Variants in TMC2 observed in about 807,000 individuals in gnomAD.
The protein encoded by TMC2 is transmembrane channel like 2, also known as transmembrane channel-like protein 2.
A neutral mutation model predicts 105.9 loss-of-function variants in TMC2; 102 were observed. That is an observed-to-expected ratio of 0.96 (90% CI 0.82 to 1.14). The LOEUF (loss-of-function observed/expected upper bound fraction) is 1.14. TMC2 is among the 50% of genes most tolerant of loss of function. TMC2 has a pLI of 0.00. For synonymous variants in TMC2, 402 were observed against 422.8 expected, an observed-to-expected ratio of 0.95 and a Z score of 0.60; for missense variants, 1,093 against 1,134.3, an observed-to-expected ratio of 0.96 and a Z score of 0.52.
chr20:2,604,652 A>G (rs2086376055), intron 11 of TMC2, among the ~76,000 whole-genome samples: 9 of 152,126 alleles, frequency 5.9e-5, no homozygotes, highest in Admixed American at 5.2e-4. Context: ...GCTGGCTGCC[A>G]GGGGAACCAG....
intron 4 of TMC2, among the ~76,000 whole-genome samples, chr20:2,570,374 CA>C (rs2086094767): frequency 6.6e-6 from 1 of 151,624 alleles, no homozygotes; most frequent in South Asian, 2.1e-4. Flanking sequence ...AGCAGAGAAC[CA>C]AATCAATAAT....
intron 2 of TMC2, among the ~76,000 whole-genome samples, chr20:2,554,857 G>A: frequency 6.6e-6 from 1 of 152,124 alleles, no homozygotes; most frequent in East Asian, 1.9e-4. Context: ...TCCAGCATAT[G>A]GTCTATTTTG....
At position 2,579,946 on chromosome 20, in the gene TMC2, C is replaced by G; in HGVS notation, c.728-4C>G. The G allele has an allele frequency of 6.2e-7, 1 of 1,609,014 alleles. No homozygotes were observed. On this transcript the variant is annotated splice_region_variant and splice_polypyrimidine_tract_variant and intron_variant, in intron 6 of 19. Coordinates refer to ENST00000358864, the MANE Select transcript of TMC2 (RefSeq NM_080751.3). Reference sequence around the variant, plus strand: ...CTCATACCCACCGTCTTTTCTCTCTCTAGGTCACTTTGGTTCTTCAGTGGC... The same window carrying G: ...CTCATACCCACCGTCTTTTCTCTCTGTAGGTCACTTTGGTTCTTCAGTGGC...
At chr20:2,624,421 C>T (rs1600138245) in intron 17 of TMC2, 25 bp downstream of exon 17, 2 of 1,601,480 alleles carry the variant, frequency 1.2e-6, no homozygotes, top group Non-Finnish European at 8.5e-7. Context: ...ACCCATGGCT[C>T]CACCCCACGG....
intron 2 of TMC2, among the ~76,000 whole-genome samples, chr20:2,538,618 C>G (rs976502818): frequency 6.6e-6 from 1 of 152,216 alleles, no homozygotes; most frequent in African/African-American, 2.4e-5. Context: ...CGGGACTCCC[C>G]TGTGAGCAGT....
chr20:2,639,462 C>T (rs1313491598), intron 19 of TMC2, among the ~76,000 whole-genome samples: 1 of 152,196 alleles, frequency 6.6e-6, no homozygotes, highest in Non-Finnish European at 1.5e-5. Context: ...GTATTCAGTA[C>T]AGTAAGTGTT....
chr20:2,594,364 A>T (rs1158609072), intron 8 of TMC2, among the ~76,000 whole-genome samples: 1 of 151,776 alleles, frequency 6.6e-6, no homozygotes, highest in Non-Finnish European at 1.5e-5. Flanking sequence ...AGTAGCTGAG[A>T]TTACAGGCAC....
At position 2,642,595 on chromosome 20, in the gene TMC2, A is replaced by G. The variant is rs529359469; in HGVS notation, c.*1244A>G. Among the ~76,000 whole-genome samples the G allele has an allele frequency of 1.6e-3, 240 of 152,300 alleles. No homozygotes were observed. Among genetic ancestry groups the G allele is most frequent in the Non-Finnish European group, 3.0e-3 (205 of 68,032 alleles). On this transcript the variant is annotated 3_prime_UTR_variant, in exon 20 of 20. Coordinates refer to ENST00000358864, the MANE Select transcript of TMC2 (RefSeq NM_080751.3). ...TTCTATGTTCACTTAGTGTCATATC[A>G]TGGTTCTATGCAGAATATTTCTTAG...
chr20:2,601,089 A>G (rs1018398900), intron 10 of TMC2, among the ~76,000 whole-genome samples: 2 of 152,228 alleles, frequency 1.3e-5, no homozygotes, highest in Non-Finnish European at 2.9e-5. Flanking sequence ...AATAATGTAC[A>G]AGACCATTAC....
intron 7 of TMC2, among the ~76,000 whole-genome samples, chr20:2,581,841 C>T (rs1195946337): frequency 6.6e-6 from 1 of 152,188 alleles, no homozygotes; most frequent in Non-Finnish European, 1.5e-5. Flanking sequence ...TATGAGGGAA[C>T]ATTTATTTTA....
At chr20:2,621,253 T>A (rs755812554) in intron 16 of TMC2, among the ~76,000 whole-genome samples, 9 of 151,748 alleles carry the variant, frequency 5.9e-5, no homozygotes, top group African/African-American at 9.7e-5. Flanking sequence ...TCCCAGCTAC[T>A]CGGGAGGCTG....
In TMC2 at chr20:2,580,038, T is replaced by C; in HGVS notation, c.816T>C (p.Gly272=). 6.2e-7 allele frequency: 1 copy of C among 1,611,640 alleles called. No individual in the cohort carries two copies. Among genetic ancestry groups the C allele is most frequent in the Non-Finnish European group, 8.5e-7 (1 of 1,177,776 alleles). ...TTGTCCTTTTTGGCTTAATATTTGG[T>C]CTAGTCATAATCCCAGAGGTAAGAA... ...VNLVLFGLIF[G]LVIIPEVLMG... The change falls in exon 7 of 20, where the codon GGT becomes GGC. Residue 272 remains glycine, a synonymous_variant. Coordinates refer to ENST00000358864, the MANE Select transcript of TMC2 (RefSeq NM_080751.3).
At chr20:2,587,582 T>A (rs1278640764) in intron 7 of TMC2, among the ~76,000 whole-genome samples, 1 of 152,048 alleles carries the variant, frequency 6.6e-6, no homozygotes, top group East Asian at 1.9e-4. Context: ...CTGTGGTAGG[T>A]TTAGGTGAAT....
In TMC2 at chr20:2,592,091, A is replaced by G. The variant is rs2086273017; in HGVS notation, c.835-219A>G. Among the ~76,000 whole-genome samples the G allele has an allele frequency of 6.6e-6, 1 of 152,176 alleles. No individual in the cohort carries two copies. The highest frequency in any genetic ancestry group is 2.4e-5 in the African/African-American group (1 of 41,432). ...CACTTGAACCTGGGAGGCGGAGGTT[A>G]CAGTAAGCTGAGACTGTGCTATTGC... On this transcript the variant is annotated intron_variant, in intron 7 of 19. Coordinates refer to ENST00000358864, the MANE Select transcript of TMC2 (RefSeq NM_080751.3). This position sits in a 1 kb window ranked among gnomAD's most constrained non-coding sequence, Gnocchi z 4.9.
chr20:2,603,185 G>C (rs925864997), intron 11 of TMC2, among the ~76,000 whole-genome samples: 3 of 151,172 alleles, frequency 2.0e-5, no homozygotes, highest in Non-Finnish European at 4.4e-5. Context: ...GCTATCAGCA[G>C]GTAAGGCCAA....
At chr20:2,612,095 T>C in intron 12 of TMC2, 96 bp from the exon 13 acceptor site, 1 of 1,263,872 alleles carries the variant, frequency 7.9e-7, no homozygotes, top group Non-Finnish European at 1.1e-6. Context: ...AGCTAGATGG[T>C]AGGGTTGTGG....
chr20:2,621,265 G>A (rs1220710100), intron 16 of TMC2, among the ~76,000 whole-genome samples: 1 of 152,038 alleles, frequency 6.6e-6, no homozygotes, highest in African/African-American at 2.4e-5. Flanking sequence ...GGGAGGCTGA[G>A]GCAGGAGAAT....
chr20:2,597,328 G>A lies in TMC2; in HGVS notation c.1224+30G>A, dbSNP rs201289610. The A allele has an allele frequency of 4.7e-5, 76 of 1,606,808 alleles. No individual in the cohort carries two copies. In the African/African-American group the frequency reaches 7.1e-4, roughly 15 times the overall value. On this transcript the variant is annotated intron_variant, in intron 10 of 19. Transcript: ENST00000358864. ...TCACCCCAGGGCAGTTCCCACTTCC[G>A]GAGAACTCTAGGTCCCTCTGGTCAT... is the stretch of plus-strand genomic sequence containing the variant.
chr20:2,569,811 G>C (rs2086090102), intron 4 of TMC2, among the ~76,000 whole-genome samples: 1 of 152,124 alleles, frequency 6.6e-6, no homozygotes, highest in African/African-American at 2.4e-5. Flanking sequence ...GTTCTCTTCT[G>C]AGCTCACTGA....
Sources: gnomAD v4.1 joint callset for allele counts (sites outside exome capture counted in the v4.1 genomes callset) on GRCh38, gnomAD v4.1.1 for gene constraint, Gnocchi (gnomAD v3.1) non-coding constraint, MANE v1.5 for transcripts, NCBI Gene and HGNC (gene_info 2026-07-23, HGNC 2026-07-21) for gene names.